Variants in PTPRM observed in about 807,000 individuals in gnomAD.
PTPRM encodes the protein protein tyrosine phosphatase receptor type M.
Under a neutral mutation model 186.7 loss-of-function variants are expected in PTPRM, and 47 were observed. The ratio of observed to expected loss-of-function variants is 0.25; its 90% CI spans 0.20 to 0.32. The LOEUF is 0.32. Among genes scored for constraint, PTPRM ranks in the 10% least tolerant of loss-of-function variants. PTPRM has a pLI of 1.00. For missense variants in PTPRM, 1,494 were observed against 1,865.0 expected (o/e 0.80, Z 3.66); for synonymous variants, 668 against 674.9 (o/e 0.99, Z 0.16).
intron 2 of PTPRM, among the ~76,000 whole-genome samples, chr18:7,875,211 A>AG (rs2048177726): frequency 6.6e-6 from 1 of 152,142 alleles, no homozygotes; most frequent in Non-Finnish European, 1.5e-5. Context: ...AGAAAAAAAA[A>AG]GAAATTCTTT....
At chr18:8,025,977 G>A (rs1294831088) in intron 7 of PTPRM, among the ~76,000 whole-genome samples, 1 of 152,206 alleles carries the variant, frequency 6.6e-6, no homozygotes, top group Non-Finnish European at 1.5e-5. Flanking sequence ...GTGAATGTGT[G>A]TGAAGCCCCA....
rs1176516821 is a variant in PTPRM, at chr18:8,378,251, A to C, written c.3463-14A>C. 7 of 1,603,546 alleles carry C rather than the reference A, an allele frequency of 4.4e-6. No homozygotes were observed. Among genetic ancestry groups the C allele is most frequent in the African/African-American group, 2.7e-5 (2 of 74,596 alleles). ...TTCTCTAAAGTTAGTAACTCGTTCC[A>C]TCTCCTTCTCCAGGAGCAGTATGTG... On this transcript the variant is annotated splice_polypyrimidine_tract_variant and intron_variant, in intron 26 of 32. Transcript: ENST00000580170.
intron 14 of PTPRM, among the ~76,000 whole-genome samples, chr18:8,185,062 A>G (rs924901234): frequency 6.6e-6 from 1 of 152,210 alleles, no homozygotes; most frequent in African/African-American, 2.4e-5. Flanking sequence ...GAGATATATT[A>G]ACAGCAAATG....
intron 1 of PTPRM, among the ~76,000 whole-genome samples, chr18:7,698,914 A>T (rs2039898704): frequency 6.6e-6 from 1 of 151,916 alleles, no homozygotes; most frequent in Admixed American, 6.6e-5. Context: ...TTTTTTGCAT[A>T]TTTTCATTGA....
At chr18:7,588,943 G>A (rs2037053068) in intron 1 of PTPRM, among the ~76,000 whole-genome samples, 1 of 152,126 alleles carries the variant, frequency 6.6e-6, no homozygotes, top group African/African-American at 2.4e-5. Context: ...TCAACCTACT[G>A]GGCTCCAGTG....
chr18:7,589,315 T>C (rs953626423), intron 1 of PTPRM, among the ~76,000 whole-genome samples: 1 of 152,204 alleles, frequency 6.6e-6, no homozygotes, highest in African/African-American at 2.4e-5. Context: ...TTTTGGCAGC[T>C]ATGAGGTCTG....
chr18:8,368,710 G>A lies in PTPRM; in HGVS notation c.3055-2180G>A, dbSNP rs114928144. Among the ~76,000 whole-genome samples, 553 of 152,306 alleles carry A rather than the reference G, an allele frequency of 3.6e-3. 4 individuals are homozygous for A. The highest frequency in any genetic ancestry group is 0.013 in the African/African-American group (521 of 41,570). Reference sequence around the variant, plus strand: ...TCAGGGGGTTGGCATTCTGGGAGAGGTCCTCTCAGCTCAGATTTCTTTTGT... The same window carrying A: ...TCAGGGGGTTGGCATTCTGGGAGAGATCCTCTCAGCTCAGATTTCTTTTGT... On this transcript the variant is annotated intron_variant, in intron 23 of 32. Transcript: ENST00000580170.
At chr18:7,710,040 A>G (rs957422407) in intron 1 of PTPRM, among the ~76,000 whole-genome samples, 3 of 152,226 alleles carry the variant, frequency 2.0e-5, no homozygotes, top group Non-Finnish European at 4.4e-5. Context: ...TCCCTAAGTC[A>G]TTCTATGAAA....
At chr18:8,013,866 A>G (rs1600072950) in intron 7 of PTPRM, among the ~76,000 whole-genome samples, 1 of 152,228 alleles carries the variant, frequency 6.6e-6, no homozygotes, top group East Asian at 1.9e-4. Context: ...TAGATAATAT[A>G]CTTCTTAGCA....
intron 1 of PTPRM, among the ~76,000 whole-genome samples, chr18:7,615,449 C>T (rs1043771713): frequency 9.9e-5 from 15 of 152,004 alleles, no homozygotes; most frequent in East Asian, 1.9e-4. Context: ...GCTGGCTCTC[C>T]GAAAGGCCCT....
chr18:7,724,946 T>G (rs1029994718), intron 1 of PTPRM, among the ~76,000 whole-genome samples: 3 of 152,194 alleles, frequency 2.0e-5, no homozygotes, highest in African/African-American at 7.2e-5. Context: ...GGTAGTATTT[T>G]CTAATTGTAT....
chr18:7,588,946 C>T (rs1254213632), intron 1 of PTPRM, among the ~76,000 whole-genome samples: 1 of 152,166 alleles, frequency 6.6e-6, no homozygotes, highest in Non-Finnish European at 1.5e-5. Context: ...ACCTACTGGG[C>T]TCCAGTGATC....
chr18:8,102,809 A>G (rs137957655), intron 11 of PTPRM, among the ~76,000 whole-genome samples: 208 of 152,348 alleles, frequency 1.4e-3, no homozygotes, highest in African/African-American at 4.8e-3. Context: ...CTTTGACCAG[A>G]CCCATTAGAG....
At chr18:7,633,769 A>C (rs1223775521) in intron 1 of PTPRM, among the ~76,000 whole-genome samples, 1 of 152,132 alleles carries the variant, frequency 6.6e-6, no homozygotes, top group Non-Finnish European at 1.5e-5. Flanking sequence ...AGAAACTTGG[A>C]GTCATCCTGA....
At chr18:7,981,080 G>A (rs1313307011) in intron 7 of PTPRM, among the ~76,000 whole-genome samples, 2 of 151,858 alleles carry the variant, frequency 1.3e-5, no homozygotes, top group South Asian at 2.1e-4. Flanking sequence ...TGAGATCAAG[G>A]TGCTCTTCCT....
intron 13 of PTPRM, among the ~76,000 whole-genome samples, chr18:8,120,493 T>TTTC (rs534078764): frequency 1.2e-3 from 134 of 112,154 alleles, no homozygotes; most frequent in African/African-American, 5.6e-3. Context: ...TCTTTCTTTC[T>TTTC]TTTTTTTTTT....
intron 1 of PTPRM, among the ~76,000 whole-genome samples, chr18:7,744,076 A>T (rs2040936768): frequency 6.6e-6 from 1 of 152,238 alleles, no homozygotes; most frequent in South Asian, 2.1e-4. Context: ...ATTTTCAAGA[A>T]TTACTCAGTA....
intron 14 of PTPRM, among the ~76,000 whole-genome samples, chr18:8,204,000 A>G (rs2093893192): frequency 1.3e-5 from 2 of 152,120 alleles, no homozygotes; most frequent in South Asian, 4.2e-4. Context: ...CTGGTTCCAT[A>G]TGTGCAGGAT....
intron 5 of PTPRM, among the ~76,000 whole-genome samples, chr18:7,945,225 G>A (rs951595763): frequency 5.3e-5 from 8 of 151,672 alleles, no homozygotes; most frequent in Non-Finnish European, 1.2e-4. Flanking sequence ...AGGCTGAGGC[G>A]GGCAGATCAT....
Sources: gnomAD v4.1 joint callset for allele counts (sites outside exome capture counted in the v4.1 genomes callset) on GRCh38, gnomAD v4.1.1 for gene constraint, MANE v1.5 for transcripts, NCBI Gene and HGNC (gene_info 2026-07-23, HGNC 2026-07-21) for gene names.